NEK3: variants seen among roughly 807,000 people sequenced by gnomAD.
The protein encoded by NEK3 is serine/threonine-protein kinase Nek3.
Under a neutral mutation model 66.0 loss-of-function variants are expected in NEK3, and 54 were observed. That is an observed-to-expected ratio of 0.82 (90% CI 0.66 to 1.03). NEK3 has a LOEUF of 1.03. Ranked by LOEUF, NEK3 falls within the 50% of genes least tolerant of loss-of-function variation. NEK3 has a pLI of 0.00. For missense variants in NEK3, 593 were observed against 603.0 expected (o/e 0.98, Z 0.17); for synonymous variants, 200 against 206.2 (o/e 0.97, Z 0.26).
intron 14 of NEK3, 128 bp downstream of exon 14, chr13:52,135,601 G>A (rs1956197146): frequency 9.8e-6 from 7 of 710,984 alleles, no homozygotes; most frequent in Admixed American, 3.5e-5. Context: ...GTACAACAAT[G>A]TGACGTACTT....
intron 5 of NEK3, among the ~76,000 whole-genome samples, chr13:52,152,119 T>C (rs1956352125): frequency 6.6e-6 from 1 of 152,234 alleles, no homozygotes; most frequent in Non-Finnish European, 1.5e-5. Context: ...GAGATTTCAA[T>C]GACTTTTTCT....
chr13:52,153,495 T>A (rs1956364357), intron 4 of NEK3, among the ~76,000 whole-genome samples: 1 of 152,116 alleles, frequency 6.6e-6, no homozygotes, highest in South Asian at 2.1e-4. Context: ...AGGAAAAAGA[T>A]TGAGAATAGG....
In NEK3 at chr13:52,154,872, C is replaced by T. The variant is rs954353497; in HGVS notation, c.118-699G>A. 1.3e-5 allele frequency among the ~76,000 whole-genome samples: 2 copies of T among 149,384 alleles called. 1 individual carries two copies. Among genetic ancestry groups the T allele is most frequent in the Admixed American group, 1.3e-4 (2 of 15,076 alleles). ...ACTGGGGAGGGTGAGGTGGGAAGAT[C>T]GCTTGAGCCCAGGAGTTTGAGCTGC... On this transcript the variant is annotated intron_variant, in intron 2 of 15. Transcript: ENST00000610828.
At chr13:52,140,641 A>G (rs1402085837) in intron 11 of NEK3, among the ~76,000 whole-genome samples, 1 of 151,952 alleles carries the variant, frequency 6.6e-6, no homozygotes, top group Non-Finnish European at 1.5e-5. Context: ...AAAATAAACA[A>G]TAAATGGCGA....
Position 52,155,641 on chromosome 13 carries a change from T to C in NEK3, c.117+434A>G, listed in dbSNP as rs567210123. ...CTAACGAATAAACCAATTACATCTT[T>C]TGCATGAAGGAGAAATTCCATGTTA... On this transcript the variant is annotated intron_variant, in intron 2 of 15. Coordinates refer to ENST00000610828, the MANE Select transcript of NEK3 (RefSeq NM_002498.3). Among the ~76,000 whole-genome samples the C allele has an allele frequency of 1.2e-3, 184 of 152,326 alleles. 1 individual carries two copies. The Middle Eastern group carries it at 0.014, about 11-fold the overall frequency.
chr13:52,146,309 A>C (rs1956295535), intron 8 of NEK3, among the ~76,000 whole-genome samples: 1 of 152,236 alleles, frequency 6.6e-6, no homozygotes, highest in Admixed American at 6.5e-5. Flanking sequence ...GAATATATGA[A>C]AAAGAAAAAT....
intron 4 of NEK3, among the ~76,000 whole-genome samples, chr13:52,152,963 C>T (rs979634778): frequency 6.6e-6 from 1 of 152,076 alleles, no homozygotes; most frequent in Non-Finnish European, 1.5e-5. Context: ...TTATATTCAA[C>T]CAAATAAAAG....
intron 9 of NEK3, among the ~76,000 whole-genome samples, chr13:52,144,285 G>A (rs899493927): frequency 3.3e-5 from 5 of 152,134 alleles, no homozygotes; most frequent in Non-Finnish European, 5.9e-5. Flanking sequence ...ACGTGGTGGC[G>A]TGTGCCTGTA....
chr13:52,151,512 C>T, intron 5 of NEK3, 120 bp from the exon 6 acceptor site: 1 of 853,184 alleles, frequency 1.2e-6, no homozygotes, highest in Non-Finnish European at 1.8e-6. Flanking sequence ...CAGCTGAGTC[C>T]CAGAGTGGAA....
At chr13:52,133,909 A>G in intron 14 of NEK3, 94 bp from the exon 15 acceptor site, 1 of 1,283,818 alleles carries the variant, frequency 7.8e-7, no homozygotes. Flanking sequence ...TTGCTGGCTG[A>G]GGACAATGCC....
At chr13:52,155,871 C>T (rs1439701295) in intron 2 of NEK3, among the ~76,000 whole-genome samples, 9 of 151,782 alleles carry the variant, frequency 5.9e-5, no homozygotes, top group African/African-American at 1.9e-4. Context: ...TTACTAGAGA[C>T]GGGTTTTCCC....
chr13:52,152,334 G>A (rs148912609), intron 5 of NEK3, among the ~76,000 whole-genome samples: 2 of 152,112 alleles, frequency 1.3e-5, no homozygotes, highest in Non-Finnish European at 2.9e-5. Context: ...TAATAAGTAC[G>A]TGAGGCAACA....
chr13:52,152,494 G>T, intron 5 of NEK3, 115 bp downstream of exon 5: 1 of 556,010 alleles, frequency 1.8e-6, no homozygotes, highest in Non-Finnish European at 3.1e-6. Context: ...ACAAATATTA[G>T]GCTGACAAAT....
At chr13:52,137,607 A>G (rs1195849551) in intron 11 of NEK3, among the ~76,000 whole-genome samples, 1 of 152,214 alleles carries the variant, frequency 6.6e-6, no homozygotes, top group African/African-American at 2.4e-5. Flanking sequence ...GTCACTTAAC[A>G]GTGGTAGCTC....
intron 10 of NEK3, among the ~76,000 whole-genome samples, chr13:52,141,831 G>A (rs547896776): frequency 2.6e-5 from 4 of 151,446 alleles, no homozygotes; most frequent in Non-Finnish European, 5.9e-5. Context: ...TGTAATCCCA[G>A]CACTTTGAGA....
intron 1 of NEK3, chr13:52,157,606 G>A (rs1462969259): frequency 1.3e-5 from 2 of 152,194 alleles, no homozygotes; most frequent in African/African-American, 4.8e-5. Context: ...CCAAACTGGA[G>A]GTTCCTGGGA....
chr13:52,137,341 C>T (rs988337362), intron 11 of NEK3, among the ~76,000 whole-genome samples: 7 of 152,106 alleles, frequency 4.6e-5, no homozygotes, highest in Non-Finnish European at 1.0e-4. Context: ...CCACTTAATT[C>T]AGTATCTTTC....
chr13:52,149,655 G>A (rs1016828619), intron 7 of NEK3, among the ~76,000 whole-genome samples: 1 of 152,060 alleles, frequency 6.6e-6, no homozygotes, highest in Non-Finnish European at 1.5e-5. Flanking sequence ...AGATCACAAG[G>A]TCAGGAGTTT....
Position 52,135,770 on chromosome 13 carries a change from TC to T in NEK3, c.1267del (p.Asp423IlefsTer20), listed in dbSNP as rs759386945. The part of the protein sequence containing the change: ...DTLLNILKNA[D>X]LSLAFQTYTI... ...GTATGTTTGAAAAGCCAAGCTGAGA[TC>T]AGCATTCTTAAGGATGTTCAACAAA... On this transcript the variant is annotated frameshift_variant, in exon 14 of 16. Coordinates refer to ENST00000610828, the MANE Select transcript of NEK3 (RefSeq NM_002498.3). LOFTEE classifies it high-confidence loss of function. 1.1e-5 allele frequency: 18 copies of T among 1,613,638 alleles called. No individual in the cohort carries two copies. The highest frequency in any genetic ancestry group is 1.4e-5 in the Non-Finnish European group (17 of 1,179,682).
Sources: gnomAD v4.1 joint callset for allele counts (sites outside exome capture counted in the v4.1 genomes callset) on GRCh38, gnomAD v4.1.1 for gene constraint, MANE v1.5 for transcripts, NCBI Gene and HGNC (gene_info 2026-07-23, HGNC 2026-07-21) for gene names.